The following PHYHIP variants were observed in gnomAD, a reference collection of about 807,000 sequenced individuals.
The protein encoded by PHYHIP is phytanoyl-CoA hydroxylase-interacting protein.
In PHYHIP, 7 loss-of-function variants were observed where a neutral mutation model predicts 26.1. That is an observed-to-expected ratio of 0.27 (90% CI 0.15 to 0.50). The LOEUF (loss-of-function observed/expected upper bound fraction) is 0.50, where lower values mean the gene tolerates loss of function less well. PHYHIP is among the 20% of genes least tolerant of loss of function. The pLI, the probability that PHYHIP is intolerant of heterozygous loss-of-function variation, is 0.98. For missense variants in PHYHIP, 232 were observed against 454.7 expected, an observed-to-expected ratio of 0.51 and a Z score of 4.45; for synonymous variants, 206 against 183.4, an observed-to-expected ratio of 1.12 and a Z score of -1.00.
chr8:22,222,762 G>A (rs930648946), intron 4 of PHYHIP, among the ~76,000 whole-genome samples: 2 of 152,166 alleles, frequency 1.3e-5, no homozygotes, highest in Admixed American at 1.3e-4. Context: ...AGCCCAAACT[G>A]GGCCACTGAC....
intron 1 of PHYHIP, 31 bp from the exon 2 acceptor site, chr8:22,228,417 C>A (rs1360659769): frequency 5.9e-6 from 8 of 1,365,516 alleles, no homozygotes; most frequent in African/African-American, 1.4e-5. Flanking sequence ...CAGTACATCC[C>A]TTGACCCCGG....
intron 4 of PHYHIP, among the ~76,000 whole-genome samples, chr8:22,223,017 C>T (rs1021524526): frequency 7.9e-5 from 12 of 152,152 alleles, no homozygotes; most frequent in South Asian, 2.1e-4. Flanking sequence ...ACCCCAAAGA[C>T]TCCCAAGGTC....
chr8:22,227,577 C>T (rs1261338860), intron 2 of PHYHIP: 2 of 456,126 alleles, frequency 4.4e-6, no homozygotes, highest in African/African-American at 2.0e-5. Flanking sequence ...CTGCCTCTGC[C>T]AGCTTGAGAG....
Position 22,221,174 on chromosome 8 carries a change from C to T in PHYHIP, c.*179G>A. The T allele has an allele frequency of 1.7e-6, 1 of 598,980 alleles. No homozygotes were observed. The highest frequency in any genetic ancestry group is 2.9e-6 in the Non-Finnish European group (1 of 350,056). The allele number at this position is 598,980 out of a possible 1,614,324, so 37.1% of individuals were successfully genotyped here. On this transcript the variant is annotated 3_prime_UTR_variant, in exon 5 of 5. Transcript: ENST00000454243. This position sits in a 1 kb window ranked among gnomAD's most constrained non-coding sequence, Gnocchi z 7.9. Reference sequence around the variant, plus strand: ...CCATGTCCACCAGGCTGGGTGTGGGCCACACTTACCAAGAGGACCACCGTC... The same window carrying T: ...CCATGTCCACCAGGCTGGGTGTGGGTCACACTTACCAAGAGGACCACCGTC...
intron 4 of PHYHIP, among the ~76,000 whole-genome samples, chr8:22,222,200 C>T (rs1018637383): frequency 2.0e-5 from 3 of 152,012 alleles, no homozygotes; most frequent in African/African-American, 7.2e-5. Context: ...GGTCTCCTTG[C>T]CACTCCCCAC....
intron 2 of PHYHIP, 97 bp downstream of exon 2, chr8:22,228,096 G>T: frequency 2.0e-6 from 2 of 1,003,218 alleles, no homozygotes; most frequent in Non-Finnish European, 3.1e-6. Context: ...ATTTTAACCA[G>T]CCTCTGACTC....
At chr8:22,230,368 T>A (rs1419232135) in intron 1 of PHYHIP, among the ~76,000 whole-genome samples, 2 of 152,002 alleles carry the variant, frequency 1.3e-5, no homozygotes, top group Non-Finnish European at 2.9e-5. Context: ...CAGCTGTGTT[T>A]GGCGGTAGGG....
intron 1 of PHYHIP, among the ~76,000 whole-genome samples, chr8:22,230,047 C>T (rs1359101625): frequency 6.6e-6 from 1 of 152,180 alleles, no homozygotes; most frequent in Non-Finnish European, 1.5e-5. Context: ...CTACCAGGCC[C>T]ACCCCAAAAT....
intron 3 of PHYHIP, among the ~76,000 whole-genome samples, chr8:22,224,961 G>A (rs1480314301): frequency 1.3e-5 from 2 of 152,236 alleles, no homozygotes; most frequent in Non-Finnish European, 2.9e-5. Context: ...CAGCAAGGCT[G>A]CTGCTGGCAC....
At chr8:22,231,741 G>A (rs1207039659) in intron 1 of PHYHIP, 55 bp downstream of exon 1, 1 of 152,430 alleles carries the variant, frequency 6.6e-6, no homozygotes, top group Non-Finnish European at 1.5e-5. Context: ...AGAGCCCCCA[G>A]ATCCCGGCTA....
At chr8:22,222,221 C>T (rs914317627) in intron 4 of PHYHIP, among the ~76,000 whole-genome samples, 5 of 152,060 alleles carry the variant, frequency 3.3e-5, no homozygotes, top group Admixed American at 2.6e-4. Flanking sequence ...CTCCTGCCAC[C>T]CCATCCACTT....
At position 22,226,855 on chromosome 8, in the gene PHYHIP, A is replaced by C; in HGVS notation, c.336T>G (p.Thr112=). 2 of 1,612,018 alleles carry C rather than the reference A, an allele frequency of 1.2e-6. No individual in the cohort carries two copies. Among genetic ancestry groups the C allele is most frequent in the Non-Finnish European group, 1.7e-6 (2 of 1,178,872 alleles). The stretch of plus-strand genomic sequence containing the variant: ...GGTGTGATAGCAGGGCCTCACCCCC[A>C]GTGCAGAACTCCACCGTCTCGCTCC... ...SGWSETVEFC[T]GDYAKEHLAQ... Residue 112 remains threonine, a synonymous_variant, in exon 3 of 5, where the codon ACT becomes ACG. Transcript: ENST00000454243.
At chr8:22,224,554 G>A (rs1473572628) in intron 3 of PHYHIP, among the ~76,000 whole-genome samples, 1 of 152,186 alleles carries the variant, frequency 6.6e-6, no homozygotes, top group Non-Finnish European at 1.5e-5. Context: ...ACTGTCTGTC[G>A]TCATCACCTC....
At chr8:22,229,481 C>T (rs986206819) in intron 1 of PHYHIP, among the ~76,000 whole-genome samples, 3 of 152,162 alleles carry the variant, frequency 2.0e-5, no homozygotes, top group African/African-American at 7.2e-5. Context: ...TCATCACGGT[C>T]ACTCTCATGT....
chr8:22,227,822 C>A, intron 2 of PHYHIP: 1 of 422,994 alleles, frequency 2.4e-6, no homozygotes, highest in South Asian at 1.7e-5. Context: ...TTTGTCGAGA[C>A]TTGAGACGTC....
At position 22,228,244 on chromosome 8, in the gene PHYHIP, G is replaced by T; in HGVS notation, c.114C>A (p.Phe38Leu). Residue 38 changes from phenylalanine to leucine, a missense_variant, in exon 2 of 5, where the codon TTC becomes TTA. Transcript: ENST00000454243. ...TATTCTCCTTCTTGTTAAGGTCAAT[G>T]AAGTAATGGGTGACCCTCTCCAGGT... ...DSDLERVTHYFIDLNKKENKN... is the reference protein window; with the variant it reads ...DSDLERVTHYLIDLNKKENKN... 6.2e-7 allele frequency: 1 copy of T among 1,613,676 alleles called. No individual in the cohort carries two copies. Among genetic ancestry groups the T allele is most frequent in the Non-Finnish European group, 8.5e-7 (1 of 1,179,724 alleles).
intron 4 of PHYHIP, among the ~76,000 whole-genome samples, chr8:22,222,596 G>A (rs1022501314): frequency 1.3e-5 from 2 of 152,294 alleles, no homozygotes; most frequent in East Asian, 1.9e-4. Context: ...ACAATTACAC[G>A]TACTTTTTAC....
intron 3 of PHYHIP, among the ~76,000 whole-genome samples, chr8:22,226,468 A>G (rs1829746971): frequency 6.6e-6 from 1 of 152,178 alleles, no homozygotes; most frequent in South Asian, 2.1e-4. Flanking sequence ...CAACAATGTG[A>G]ATATACTTAA....
intron 3 of PHYHIP, among the ~76,000 whole-genome samples, chr8:22,226,505 G>T (rs943393199): frequency 6.6e-6 from 1 of 152,280 alleles, no homozygotes; most frequent in South Asian, 2.1e-4. Flanking sequence ...ACTTCAAAAT[G>T]GTCGAGACGG....
Sources: gnomAD v4.1 joint callset for allele counts (sites outside exome capture counted in the v4.1 genomes callset) on GRCh38, gnomAD v4.1.1 for gene constraint, Gnocchi (gnomAD v3.1) non-coding constraint, MANE v1.5 for transcripts, NCBI Gene and HGNC (gene_info 2026-07-23, HGNC 2026-07-21) for gene names.